TRIM9: variants seen among roughly 807,000 people sequenced by gnomAD.
The protein encoded by TRIM9 is E3 ubiquitin-protein ligase TRIM9.
TRIM9 carries 26 observed loss-of-function variants against 78.3 expected under a neutral mutation model. That is an observed-to-expected ratio of 0.33 (90% confidence interval 0.24 to 0.46). The LOEUF is 0.46. TRIM9 is among the 20% of genes least tolerant of loss of function. TRIM9 has a pLI of 1.00. For missense variants in TRIM9, 787 were observed against 1,036.4 expected (o/e 0.76, Z 3.30); for synonymous variants, 398 against 416.5 (o/e 0.96, Z 0.54).
intron 3 of TRIM9, among the ~76,000 whole-genome samples, chr14:51,020,548 T>A (rs952712901): frequency 2.1e-4 from 32 of 152,194 alleles, no homozygotes; most frequent in African/African-American, 7.7e-4. Context: ...CCCAAATGCA[T>A]CCGCATTCCC....
At chr14:51,050,858 TGA>T (rs1010911857) in intron 1 of TRIM9, among the ~76,000 whole-genome samples, 2 of 152,122 alleles carry the variant, frequency 1.3e-5, no homozygotes, top group Non-Finnish European at 2.9e-5. Context: ...GCCAGCCACG[TGA>T]GTGAGCCACC....
At chr14:51,003,464 C>T (rs1036510469) in intron 5 of TRIM9, among the ~76,000 whole-genome samples, 1 of 152,276 alleles carries the variant, frequency 6.6e-6, no homozygotes, top group South Asian at 2.1e-4. Flanking sequence ...AATAAGATCA[C>T]AGATGGTTTC....
chr14:51,000,586 A>T, intron 6 of TRIM9, 97 bp downstream of exon 6: 1 of 1,527,784 alleles, frequency 6.5e-7, no homozygotes, highest in Non-Finnish European at 8.9e-7. Flanking sequence ...GCCTGTCCCC[A>T]GGAGAGATGG....
At chr14:50,979,101 G>C (rs1024398051) in intron 12 of TRIM9, 27 of 1,349,498 alleles carry the variant, frequency 2.0e-5, no homozygotes, top group Non-Finnish European at 1.9e-5. Flanking sequence ...TCTATTTAGA[G>C]GTGAAACTAG....
At chr14:50,996,734 G>C (rs2054255637) in intron 7 of TRIM9, 1 of 985,328 alleles carries the variant, frequency 1.0e-6, no homozygotes, top group Non-Finnish European at 1.2e-6. Flanking sequence ...GGTCATCCCT[G>C]AGAGAAGGTG....
At chr14:51,026,741 G>A (rs1460337877) in intron 1 of TRIM9, among the ~76,000 whole-genome samples, 1 of 151,454 alleles carries the variant, frequency 6.6e-6, no homozygotes, top group Non-Finnish European at 1.5e-5. Context: ...AATGTGGGAT[G>A]GTAGAAAGAA....
In TRIM9 at chr14:51,094,480, C is replaced by A; in HGVS notation, c.460G>T (p.Val154Leu). ...TTGCTCTGCTGGTAGCGGTCAATTACCCCTTCCAGTACGCGATTCTTGGGG... is the reference window on the plus strand; with the variant it reads ...TTGCTCTGCTGGTAGCGGTCAATTAACCCTTCCAGTACGCGATTCTTGGGG... ...GFPKNRVLEG[V>L]IDRYQQSKAA... Residue 154 changes from valine (V) to leucine (L), a missense_variant, in exon 1 of 13, where the codon GTA (valine) becomes TTA (leucine). Physicochemically the swap from Val to Leu is conservative, Grantham distance 32 (BLOSUM62 1). This residue lies in a region of TRIM9 where 352 missense variants were observed against 472.3 expected (regional missense o/e 0.75). Coordinates refer to ENST00000684578, the MANE Select transcript of TRIM9 (RefSeq NM_001387360.1). The A allele has an allele frequency of 6.2e-7, 1 of 1,613,810 alleles. No homozygotes were observed. Among genetic ancestry groups the A allele is most frequent in the Middle Eastern group, 1.6e-4 (1 of 6,062 alleles).
chr14:50,979,011 C>A (rs1360682529), intron 12 of TRIM9: 3 of 1,238,004 alleles, frequency 2.4e-6, no homozygotes, highest in Non-Finnish European at 2.0e-6. Flanking sequence ...AGTCTTACAC[C>A]CTCACCTCTT....
At chr14:50,997,105 G>C (rs3813398) in intron 7 of TRIM9, 415,054 of 985,054 alleles carry the variant, frequency 0.42, 88,332 homozygotes, top group South Asian at 0.58. Flanking sequence ...GGTGAGGTGG[G>C]GGGGTGATTT....
intron 1 of TRIM9, among the ~76,000 whole-genome samples, chr14:51,067,517 C>G (rs563004470): frequency 6.6e-6 from 1 of 152,206 alleles, no homozygotes; most frequent in Non-Finnish European, 1.5e-5. Flanking sequence ...CCAGGATGTA[C>G]GTAATTAGAC....
intron 7 of TRIM9, chr14:50,996,406 A>G: frequency 1.0e-6 from 1 of 985,452 alleles, no homozygotes; most frequent in Non-Finnish European, 1.2e-6. Flanking sequence ...CTCCTGCAGG[A>G]TGAAACGAGA....
At chr14:50,979,573 G>C (rs368933785) in intron 11 of TRIM9, 24 bp from the exon 12 acceptor site, 29 of 1,601,748 alleles carry the variant, frequency 1.8e-5, no homozygotes, top group Non-Finnish European at 2.5e-5. Flanking sequence ...GAAAAATTGG[G>C]GTTCATTTCC....
intron 1 of TRIM9, among the ~76,000 whole-genome samples, chr14:51,048,298 G>C (rs994501572): frequency 6.6e-6 from 1 of 152,222 alleles, no homozygotes; most frequent in Non-Finnish European, 1.5e-5. Context: ...CTGTTCCTGA[G>C]ATCAGTCCTG....
chr14:51,001,266 G>C (rs1222876217), intron 5 of TRIM9, among the ~76,000 whole-genome samples: 1 of 136,112 alleles, frequency 7.3e-6, no homozygotes, highest in Non-Finnish European at 1.5e-5. Flanking sequence ...GTGTCGCTCT[G>C]TCGCCCAGGT....
intron 1 of TRIM9, among the ~76,000 whole-genome samples, chr14:51,050,196 T>C (rs867816685): frequency 1.3e-5 from 2 of 152,202 alleles, no homozygotes; most frequent in African/African-American, 4.8e-5. Context: ...TTTCCAAATG[T>C]GCCTGATATG....
intron 1 of TRIM9, among the ~76,000 whole-genome samples, chr14:51,034,200 TACAA>T (rs1004243023): frequency 6.6e-6 from 1 of 152,180 alleles, no homozygotes; most frequent in African/African-American, 2.4e-5. Context: ...CCACCTTGAT[TACAA>T]ACAGTCATCA....
chr14:50,992,931 T>C (rs2053706267), intron 7 of TRIM9, among the ~76,000 whole-genome samples: 1 of 152,234 alleles, frequency 6.6e-6, no homozygotes, highest in African/African-American at 2.4e-5. Context: ...GGTAGATGGC[T>C]TGAGAGCCAG....
At chr14:51,086,325 G>A (rs2063747715) in intron 1 of TRIM9, among the ~76,000 whole-genome samples, 1 of 151,326 alleles carries the variant, frequency 6.6e-6, no homozygotes, top group Non-Finnish European at 1.5e-5. Context: ...AGGAAGATGT[G>A]TGGATTATGA....
At chr14:51,012,054 T>C (rs73288853) in intron 3 of TRIM9, among the ~76,000 whole-genome samples, 97 of 152,358 alleles carry the variant, frequency 6.4e-4, no homozygotes, top group African/African-American at 1.9e-3. Flanking sequence ...TTGTTCTTAA[T>C]GTGTTATTGT....
Sources: allele counts gnomAD v4.1 joint callset (sites outside exome capture counted in the v4.1 genomes callset), GRCh38; gene constraint gnomAD v4.1.1; regional missense constraint gnomAD v4.1.1; transcripts MANE v1.5; gene names NCBI Gene and HGNC (gene_info 2026-07-23, HGNC 2026-07-21).